Variants in KSR2 observed in about 807,000 individuals in gnomAD.
KSR2 encodes the protein kinase suppressor of ras 2.
A neutral mutation model predicts 107.8 loss-of-function variants in KSR2; 25 were observed. The ratio of observed to expected loss-of-function variants is 0.23; its 90% confidence interval spans 0.17 to 0.32. KSR2 has a LOEUF of 0.32. Ranked by LOEUF, KSR2 falls within the 10% of genes least tolerant of loss-of-function variation. The pLI is 1.00. For synonymous variants in KSR2, 480 were observed against 507.0 expected (o/e 0.95, Z 0.71); for missense variants, 887 against 1,268.9 (o/e 0.70, Z 4.57).
intron 4 of KSR2, among the ~76,000 whole-genome samples, chr12:117,690,165 A>G (rs1350507110): frequency 6.6e-6 from 1 of 152,210 alleles, no homozygotes; most frequent in Non-Finnish European, 1.5e-5. Context: ...TTAGAATACC[A>G]AGTCCACGAG....
In KSR2 at chr12:117,459,032, T is replaced by A. The variant is rs1443777885; in HGVS notation, c.*8167A>T. On this transcript the variant is annotated 3_prime_UTR_variant, in exon 20 of 20. Transcript: ENST00000339824. ...ATGCCGTGACTTCCAGCCCAGCTGTTACTAGACTGGGCATAGCATTCAGGC... is the reference window on the plus strand; with the variant it reads ...ATGCCGTGACTTCCAGCCCAGCTGTAACTAGACTGGGCATAGCATTCAGGC... 6.6e-6 allele frequency: 1 copy of A among 152,264 alleles called. No homozygotes were observed. The highest frequency in any genetic ancestry group is 2.4e-5 in the African/African-American group (1 of 41,452). 9.4% of individuals were successfully genotyped at this position (152,264 alleles called of 1,614,324 possible). A position where few individuals can be genotyped will look rare whatever the true frequency, so the allele number is the denominator to read the frequency against.
intron 5 of KSR2, among the ~76,000 whole-genome samples, chr12:117,611,446 A>ACACACACACACACACACACG (rs1278726616): frequency 0.19 from 5,661 of 29,036 alleles, 236 homozygotes; most frequent in East Asian, 0.5. Context: ...GCACGCACAG[A>ACACACACACACACACACACG]CACACACACA....
intron 1 of KSR2, among the ~76,000 whole-genome samples, chr12:117,872,986 C>A (rs540265272): frequency 2.0e-5 from 3 of 152,226 alleles, no homozygotes; most frequent in Non-Finnish European, 4.4e-5. Context: ...GTGGCAGGAA[C>A]CAGAACAGAA....
chr12:117,929,038 G>A (rs559494028), intron 1 of KSR2, among the ~76,000 whole-genome samples: 1 of 152,320 alleles, frequency 6.6e-6, no homozygotes, highest in East Asian at 1.9e-4. Context: ...AAGGGAACAA[G>A]TAAACCCAGA....
intron 14 of KSR2, among the ~76,000 whole-genome samples, chr12:117,514,152 G>T (rs927943431): frequency 1.3e-5 from 2 of 152,222 alleles, no homozygotes; most frequent in Admixed American, 1.3e-4. Context: ...TATTTTTAAC[G>T]TTGGTAAATA....
intron 5 of KSR2, among the ~76,000 whole-genome samples, chr12:117,628,918 C>T (rs1593068317): frequency 1.3e-5 from 2 of 152,360 alleles, no homozygotes; most frequent in East Asian, 1.9e-4. Flanking sequence ...GGTGGCTGCC[C>T]CTCCCCTAGC....
intron 1 of KSR2, among the ~76,000 whole-genome samples, chr12:117,862,726 C>G (rs941250975): frequency 7.0e-6 from 1 of 142,066 alleles, no homozygotes; most frequent in African/African-American, 2.7e-5. Flanking sequence ...TCCATTCCCC[C>G]CCTTTTTTTT....
intron 5 of KSR2, among the ~76,000 whole-genome samples, chr12:117,637,745 G>A (rs7962750): frequency 0.18 from 23,982 of 132,272 alleles, 2,105 homozygotes; most frequent in Middle Eastern, 0.28. Flanking sequence ...GCAATGACAC[G>A]ATCTCAGCTC....
At chr12:117,806,244 G>A (rs1891003037) in intron 3 of KSR2, among the ~76,000 whole-genome samples, 5 of 152,070 alleles carry the variant, frequency 3.3e-5, no homozygotes, top group Admixed American at 1.3e-4. Flanking sequence ...GCTCACATGC[G>A]GCATATTCCA....
intron 4 of KSR2, among the ~76,000 whole-genome samples, chr12:117,758,310 C>T (rs1309808620): frequency 6.6e-6 from 1 of 152,172 alleles, no homozygotes; most frequent in African/African-American, 2.4e-5. Context: ...CCATGACCCC[C>T]GCTGCCAACA....
intron 3 of KSR2, among the ~76,000 whole-genome samples, chr12:117,849,030 TA>T (rs1294034087): frequency 6.6e-6 from 1 of 152,158 alleles, no homozygotes; most frequent in African/African-American, 2.4e-5. Context: ...ATCACACAGC[TA>T]ATAGGTGGCA....
intron 4 of KSR2, chr12:117,677,346 C>T (rs142423314): frequency 6.6e-6 from 1 of 152,122 alleles, no homozygotes; most frequent in African/African-American, 2.4e-5. Flanking sequence ...AGCCCCAATC[C>T]AATAGGATTG....
chr12:117,868,376 T>C (rs1468014594), intron 1 of KSR2, among the ~76,000 whole-genome samples: 1 of 149,598 alleles, frequency 6.7e-6, no homozygotes, highest in East Asian at 2.0e-4. Flanking sequence ...TGAGCCGAGA[T>C]CACGCCACTG....
chr12:117,594,909 C>A (rs777149456), intron 5 of KSR2, among the ~76,000 whole-genome samples: 11 of 152,186 alleles, frequency 7.2e-5, no homozygotes, highest in Non-Finnish European at 1.2e-4. Flanking sequence ...ACGAACAGAA[C>A]AGCTTCCTCC....
chr12:117,761,106 T>G lies in KSR2; in HGVS notation c.891A>C (p.Lys297Asn). 1.2e-6 allele frequency: 2 copies of G among 1,613,320 alleles called. No individual in the cohort carries two copies. The highest frequency in any genetic ancestry group is 1.7e-6 in the Non-Finnish European group (2 of 1,179,614). ...PPGTPPPSSR[K>N]LIHLIPGFTA... is the part of the protein sequence containing the mutation. ...TGAATCCCGGGATCAAGTGTATCAG[T>G]TTTCGGGAGGAGGGCGGTGGGGTCC... Residue 297 changes from lysine to asparagine, a missense_variant, in exon 4 of 20, where the codon AAA becomes AAC. Around this residue, in one of 8 missense-constraint regions of KSR2, gnomAD observed 399 missense variants for 479.5 expected, o/e 0.83. Coordinates refer to ENST00000339824, the MANE Select transcript of KSR2 (RefSeq NM_173598.6).
chr12:117,653,944 G>A (rs1403226308), intron 5 of KSR2, among the ~76,000 whole-genome samples: 1 of 152,182 alleles, frequency 6.6e-6, no homozygotes, highest in African/African-American at 2.4e-5. Context: ...GGTGTTTAAG[G>A]TGTCAGTCGC....
intron 12 of KSR2, among the ~76,000 whole-genome samples, chr12:117,527,908 G>A (rs146364835): frequency 1.4e-3 from 206 of 151,992 alleles, no homozygotes; most frequent in African/African-American, 4.9e-3. Context: ...ATTAGGATGT[G>A]TGGAATGAAA....
chr12:117,492,178 C>T (rs1872781035), intron 14 of KSR2, among the ~76,000 whole-genome samples: 1 of 152,226 alleles, frequency 6.6e-6, no homozygotes, highest in African/African-American at 2.4e-5. Context: ...CTTTGAGTCC[C>T]TATCTCAGGT....
chr12:117,519,140 T>C (rs1315784728), intron 14 of KSR2, among the ~76,000 whole-genome samples: 3 of 152,224 alleles, frequency 2.0e-5, no homozygotes, highest in African/African-American at 4.8e-5. Flanking sequence ...TGGAATGTGC[T>C]AGCACTGAAG....
Sources: allele counts gnomAD v4.1 joint callset (sites outside exome capture counted in the v4.1 genomes callset), GRCh38; gene constraint gnomAD v4.1.1; regional missense constraint gnomAD v4.1.1; transcripts MANE v1.5; gene names NCBI Gene and HGNC (gene_info 2026-07-23, HGNC 2026-07-21).